Variants in TTC29 observed in about 807,000 individuals in gnomAD.
The protein encoded by TTC29 is tetratricopeptide repeat domain 29.
Under a neutral mutation model 58.1 loss-of-function variants are expected in TTC29, and 49 were observed. That is an observed-to-expected ratio of 0.84 (90% CI 0.67 to 1.07). TTC29 has a LOEUF of 1.07. Ranked by LOEUF, TTC29 falls within the 50% of genes least tolerant of loss-of-function variation. The pLI, the probability that TTC29 is intolerant of heterozygous loss-of-function variation, is 0.00. For synonymous variants in TTC29, 209 were observed against 196.8 expected (o/e 1.06, Z -0.52); for missense variants, 582 against 555.6 (o/e 1.05, Z -0.48).
At chr4:146,903,289 G>A (rs983911446) in intron 6 of TTC29, among the ~76,000 whole-genome samples, 8 of 152,072 alleles carry the variant, frequency 5.3e-5, no homozygotes, top group African/African-American at 1.7e-4. Flanking sequence ...TTCTCTTGGT[G>A]AGGATGTTAC....
chr4:146,789,949 A>C (rs993034071), intron 11 of TTC29, among the ~76,000 whole-genome samples: 1 of 152,158 alleles, frequency 6.6e-6, no homozygotes, highest in Admixed American at 6.5e-5. Flanking sequence ...TACAAGGCCT[A>C]AATTAACTGG....
At chr4:146,862,966 C>T (rs1302662170) in intron 8 of TTC29, among the ~76,000 whole-genome samples, 1 of 151,688 alleles carries the variant, frequency 6.6e-6, no homozygotes, top group Non-Finnish European at 1.5e-5. Context: ...ACTAAAAATA[C>T]AAAAAATTAG....
At chr4:146,708,357 C>CATGTATATATATATATAT (rs1561047198) in intron 11 of TTC29, among the ~76,000 whole-genome samples, 9 of 16,832 alleles carry the variant, frequency 5.3e-4, no homozygotes, top group Middle Eastern at 0.05. Flanking sequence ...TATATATATA[C>CATGTATATATATATATAT]ACATGTATGT....
chr4:146,757,286 T>A lies in TTC29; in HGVS notation c.1330+46171A>T, dbSNP rs1746526284. Among the ~76,000 whole-genome samples the A allele has an allele frequency of 1.3e-5, 2 of 152,026 alleles. 1 individual carries two copies. The highest frequency in any genetic ancestry group is 4.1e-4 in the South Asian group (2 of 4,822). ...GGATGTGGCTTCCTGTGAGCCGAAC[T>A]GCAGTGATTATTGTCTCTCTTCTGG... On this transcript the variant is annotated intron_variant, in intron 11 of 12. Transcript: ENST00000325106.
chr4:146,787,786 T>A (rs1350474225), intron 11 of TTC29, among the ~76,000 whole-genome samples: 2 of 152,210 alleles, frequency 1.3e-5, no homozygotes, highest in Non-Finnish European at 2.9e-5. Context: ...TTCTGCTTAA[T>A]GGGTTGGTAT....
chr4:146,842,970 G>C (rs531418844), intron 8 of TTC29, among the ~76,000 whole-genome samples: 1 of 152,170 alleles, frequency 6.6e-6, no homozygotes, highest in Non-Finnish European at 1.5e-5. Flanking sequence ...GGTGAGCAGA[G>C]AGGATGTTTC....
intron 9 of TTC29, among the ~76,000 whole-genome samples, chr4:146,824,374 CATT>C (rs1727614922): frequency 6.6e-6 from 1 of 152,072 alleles, no homozygotes; most frequent in Non-Finnish European, 1.5e-5. Context: ...TTGTTTTTGT[CATT>C]GGCTCTGTTC....
chr4:146,791,841 A>T (rs911018934), intron 11 of TTC29, among the ~76,000 whole-genome samples: 1 of 152,222 alleles, frequency 6.6e-6, no homozygotes, highest in Admixed American at 6.5e-5. Context: ...TGTATTGCTG[A>T]TATGGAGAAA....
At chr4:146,944,813 T>TAA (rs74915407) in intron 2 of TTC29, among the ~76,000 whole-genome samples, 5 of 148,938 alleles carry the variant, frequency 3.4e-5, no homozygotes, top group African/African-American at 4.9e-5. Context: ...GCTCCCTAAG[T>TAA]AAAAAAAAAA....
chr4:146,743,650 A>G (rs1561081168), intron 11 of TTC29, among the ~76,000 whole-genome samples: 1 of 152,242 alleles, frequency 6.6e-6, no homozygotes, highest in Admixed American at 6.5e-5. Flanking sequence ...GAAAGCATTT[A>G]GTTTGAAGAT....
intron 9 of TTC29, among the ~76,000 whole-genome samples, chr4:146,824,965 T>C (rs1727672420): frequency 1.3e-5 from 2 of 152,176 alleles, no homozygotes. Context: ...TATCATTTTT[T>C]ATTGTGTCTA....
At chr4:146,942,857 GA>G in intron 2 of TTC29, 1 of 403,418 alleles carries the variant, frequency 2.5e-6, no homozygotes. Flanking sequence ...GGTCTTTGAA[GA>G]GTTCACCCAG....
chr4:146,756,836 G>A (rs1048153869), intron 11 of TTC29, among the ~76,000 whole-genome samples: 1 of 151,684 alleles, frequency 6.6e-6, no homozygotes, highest in African/African-American at 2.4e-5. Context: ...AGACTTTCCA[G>A]AGCATTTCAC....
Position 146,939,954 on chromosome 4 carries a change from G to C in TTC29, c.-6-53C>G, listed in dbSNP as rs2150337228. The C allele has an allele frequency of 2.7e-6, 4 of 1,499,972 alleles. No individual in the cohort carries two copies. The South Asian group carries it at 4.9e-5, about 19-fold the overall frequency. The allele number at this position is 1,499,972 out of a possible 1,614,324, so 92.9% of individuals were successfully genotyped here. A position where few individuals can be genotyped will look rare whatever the true frequency, so the allele number is the denominator to read the frequency against. On this transcript the variant is annotated intron_variant, in intron 2 of 12. Coordinates refer to ENST00000325106, the MANE Select transcript of TTC29 (RefSeq NM_031956.4). ...ATTTTAAGGAATAAATCTTTCAAAG[G>C]ATCCTTTAAGACATTATTAGAGATT...
intron 2 of TTC29, 42 bp from the exon 3 acceptor site, chr4:146,939,943 A>G (rs1457665432): frequency 6.5e-7 from 1 of 1,545,090 alleles, no homozygotes; most frequent in Non-Finnish European, 8.8e-7. Flanking sequence ...TAAGGAATAA[A>G]TCTTTCAAAG....
At chr4:146,904,484 T>C (rs1007342464) in intron 5 of TTC29, among the ~76,000 whole-genome samples, 3 of 152,172 alleles carry the variant, frequency 2.0e-5, no homozygotes, top group Non-Finnish European at 2.9e-5. Context: ...GTCCGTCAAT[T>C]GTGAATCAGT....
intron 11 of TTC29, among the ~76,000 whole-genome samples, chr4:146,740,440 A>G (rs565371399): frequency 1.3e-5 from 2 of 152,162 alleles, no homozygotes; most frequent in African/African-American, 4.8e-5. Flanking sequence ...AAATTTATTT[A>G]TTATTATTAT....
intron 11 of TTC29, 70 bp from the exon 12 acceptor site, chr4:146,707,621 T>C: frequency 8.8e-7 from 1 of 1,134,726 alleles, no homozygotes; most frequent in Non-Finnish European, 1.3e-6. Flanking sequence ...ATCTTGAACC[T>C]GGGAATCCCT....
At chr4:146,756,270 CA>C (rs146497942) in intron 11 of TTC29, among the ~76,000 whole-genome samples, 14,217 of 107,548 alleles carry the variant, frequency 0.13, 1,278 homozygotes, top group African/African-American at 0.34. Flanking sequence ...GACTCTGTCT[CA>C]AAAAAAAAAA....
Sources: gnomAD v4.1 joint callset for allele counts (sites outside exome capture counted in the v4.1 genomes callset) on GRCh38, gnomAD v4.1.1 for gene constraint, MANE v1.5 for transcripts, NCBI Gene and HGNC (gene_info 2026-07-23, HGNC 2026-07-21) for gene names.